Variants in EMCN observed in about 807,000 individuals in gnomAD.
The protein encoded by EMCN is endomucin.
EMCN carries 37 observed loss-of-function variants against 38.4 expected under a neutral mutation model. That is an observed-to-expected ratio of 0.96 (90% confidence interval 0.74 to 1.27). The LOEUF (loss-of-function observed/expected upper bound fraction) is 1.27. EMCN is among the 50% of genes most tolerant of loss of function. The pLI, the probability that EMCN is intolerant of heterozygous loss-of-function variation, is 0.00. For missense variants in EMCN, 318 were observed against 302.8 expected (o/e 1.05, Z -0.37); for synonymous variants, 95 against 100.8 (o/e 0.94, Z 0.35).
intron 5 of EMCN, among the ~76,000 whole-genome samples, chr4:100,432,399 T>C (rs1727227895): frequency 6.6e-6 from 1 of 152,210 alleles, no homozygotes; most frequent in Non-Finnish European, 1.5e-5. Flanking sequence ...TATACCTACA[T>C]GACTACTAGA....
intron 1 of EMCN, among the ~76,000 whole-genome samples, chr4:100,495,672 A>G (rs957040724): frequency 1.3e-5 from 2 of 152,070 alleles, no homozygotes; most frequent in Non-Finnish European, 2.9e-5. Flanking sequence ...TTGAGACCTA[A>G]GAGATATGGT....
intron 11 of EMCN, 88 bp downstream of exon 11, chr4:100,410,194 T>C: frequency 1.1e-6 from 1 of 943,282 alleles, no homozygotes; most frequent in East Asian, 2.4e-5. Flanking sequence ...TTCCAGCTTT[T>C]GAAATTCTTT....
At chr4:100,411,864 G>A (rs1726569870) in intron 10 of EMCN, among the ~76,000 whole-genome samples, 1 of 152,152 alleles carries the variant, frequency 6.6e-6, no homozygotes, top group Non-Finnish European at 1.5e-5. Context: ...CAGAGAATGA[G>A]ACAAATATTG....
At chr4:100,517,747 C>A in intron 1 of EMCN, 104 bp downstream of exon 1, 1 of 1,016,340 alleles carries the variant, frequency 9.8e-7, no homozygotes, top group South Asian at 1.3e-5. Flanking sequence ...AAAGGAATTG[C>A]TGCATCTAAG....
chr4:100,423,448 C>G (rs1288303670), intron 5 of EMCN, 44 bp from the exon 6 acceptor site: 1 of 1,351,978 alleles, frequency 7.4e-7, no homozygotes, highest in African/African-American at 1.4e-5. Flanking sequence ...TGGTATTAAG[C>G]CTTCATATGG....
chr4:100,455,664 C>T (rs1231115245), intron 4 of EMCN, among the ~76,000 whole-genome samples: 3 of 151,674 alleles, frequency 2.0e-5, no homozygotes, highest in African/African-American at 7.3e-5. Context: ...TTCTCTTTAT[C>T]TCCGGTTTTC....
Position 100,510,014 on chromosome 4 carries a change from T to G in EMCN, c.64+7837A>C, listed in dbSNP as rs17030187. ...TGTATCTTTCTTCTCATTTTTTACATGCAGAAACTGGGATTAAGAAAGATT... is the reference window on the plus strand; with the variant it reads ...TGTATCTTTCTTCTCATTTTTTACAGGCAGAAACTGGGATTAAGAAAGATT... On this transcript the variant is annotated intron_variant, in intron 1 of 11. Coordinates refer to ENST00000296420, the MANE Select transcript of EMCN (RefSeq NM_016242.4). 4.3e-4 allele frequency among the ~76,000 whole-genome samples: 66 copies of G among 152,320 alleles called. No individual in the cohort carries two copies. In the East Asian group the frequency reaches 0.013, roughly 29 times the overall value.
intron 5 of EMCN, among the ~76,000 whole-genome samples, chr4:100,423,978 A>G (rs903903377): frequency 1.3e-5 from 2 of 151,928 alleles, no homozygotes; most frequent in African/African-American, 2.4e-5. Context: ...ATGCTACTTG[A>G]CTGTTTTTTT....
At chr4:100,485,586 G>C (rs1293428815) in intron 1 of EMCN, among the ~76,000 whole-genome samples, 1 of 150,738 alleles carries the variant, frequency 6.6e-6, no homozygotes, top group Non-Finnish European at 1.5e-5. Context: ...ATATTAAAGA[G>C]ATATATAAAA....
intron 5 of EMCN, among the ~76,000 whole-genome samples, chr4:100,442,316 A>C (rs1004628478): frequency 3.9e-5 from 6 of 152,128 alleles, no homozygotes; most frequent in African/African-American, 1.4e-4. Context: ...TTGCTTTTAA[A>C]TTTCTCTTTG....
At chr4:100,512,301 T>C (rs1729646192) in intron 1 of EMCN, among the ~76,000 whole-genome samples, 1 of 152,184 alleles carries the variant, frequency 6.6e-6, no homozygotes, top group Non-Finnish European at 1.5e-5. Flanking sequence ...TGCCCCAAAT[T>C]TGGGAACCAT....
intron 1 of EMCN, among the ~76,000 whole-genome samples, chr4:100,483,674 C>T (rs1377580668): frequency 6.6e-6 from 1 of 152,068 alleles, no homozygotes; most frequent in East Asian, 1.9e-4. Context: ...AATTTTGCAA[C>T]TGGAAACTTT....
intron 10 of EMCN, among the ~76,000 whole-genome samples, chr4:100,415,018 C>T (rs751826090): frequency 6.6e-6 from 1 of 152,152 alleles, no homozygotes; most frequent in East Asian, 1.9e-4. Flanking sequence ...GCCTCAGTCT[C>T]CAGGGTAGCT....
intron 5 of EMCN, among the ~76,000 whole-genome samples, chr4:100,435,442 C>A (rs565454892): frequency 0.046 from 7,073 of 152,132 alleles, 566 homozygotes; most frequent in African/African-American, 0.16. Flanking sequence ...TGAAAATGGC[C>A]ATACTGCCCA....
At chr4:100,405,844 T>C (rs762623781) in intron 11 of EMCN, among the ~76,000 whole-genome samples, 1 of 152,090 alleles carries the variant, frequency 6.6e-6, no homozygotes, top group Non-Finnish European at 1.5e-5. Flanking sequence ...TGTGAATCTG[T>C]CTGGTCCAGG....
At chr4:100,503,549 T>C (rs188010064) in intron 1 of EMCN, among the ~76,000 whole-genome samples, 12 of 152,182 alleles carry the variant, frequency 7.9e-5, no homozygotes, top group Admixed American at 4.6e-4. Flanking sequence ...TTAGTTTTGC[T>C]TTTATTTTTA....
intron 8 of EMCN, among the ~76,000 whole-genome samples, chr4:100,420,026 T>G (rs1243021531): frequency 1.3e-5 from 2 of 152,146 alleles, no homozygotes; most frequent in Non-Finnish European, 2.9e-5. Context: ...CTTTTTACCT[T>G]CTAACAGTTT....
At chr4:100,517,175 A>G (rs1258101856) in intron 1 of EMCN, among the ~76,000 whole-genome samples, 1 of 152,274 alleles carries the variant, frequency 6.6e-6, no homozygotes, top group East Asian at 1.9e-4. Context: ...TTATGAAGAT[A>G]CAAACCTATT....
chr4:100,471,144 A>G (rs1728466510), intron 3 of EMCN, among the ~76,000 whole-genome samples: 1 of 151,950 alleles, frequency 6.6e-6, no homozygotes, highest in Non-Finnish European at 1.5e-5. Context: ...CAACACAGAA[A>G]AAAAACACAA....
Sources: gnomAD v4.1 joint callset for allele counts (sites outside exome capture counted in the v4.1 genomes callset) on GRCh38, gnomAD v4.1.1 for gene constraint, MANE v1.5 for transcripts, NCBI Gene and HGNC (gene_info 2026-07-23, HGNC 2026-07-21) for gene names.